GLIS3: variants seen among roughly 807,000 people sequenced by gnomAD.
GLIS3 encodes the protein GLIS family zinc finger 3.
In GLIS3, 53 loss-of-function variants were observed where a neutral mutation model predicts 78.6. The observed-to-expected ratio is 0.67, with a 90% CI of 0.54 to 0.85. GLIS3 has a LOEUF of 0.85. Among genes scored for constraint, GLIS3 ranks in the 40% least tolerant of loss-of-function variants. The probability of loss-of-function intolerance (pLI) is 0.00; values close to 1 mark genes in which losing one functional copy is unlikely to be tolerated. For synonymous variants in GLIS3, 684 were observed against 509.9 expected, an observed-to-expected ratio of 1.34 and a Z score of -4.60; for missense variants, 1,703 against 1,231.1, an observed-to-expected ratio of 1.38 and a Z score of -5.74.
chr9:4,298,127 G>T (rs374635247), intron 1 of GLIS3, among the ~76,000 whole-genome samples: 15 of 152,126 alleles, frequency 9.9e-5, no homozygotes, highest in African/African-American at 3.6e-4. Context: ...AGTGAGTCGG[G>T]GGCCGAAAGG....
At chr9:3,896,024 C>T (rs1196944058) in intron 7 of GLIS3, among the ~76,000 whole-genome samples, 1 of 152,190 alleles carries the variant, frequency 6.6e-6, no homozygotes, top group Non-Finnish European at 1.5e-5. Flanking sequence ...ACTCCAAGTA[C>T]TTTTGCTATT....
intron 4 of GLIS3, among the ~76,000 whole-genome samples, chr9:4,103,200 C>T (rs10814843): frequency 0.77 from 116,922 of 152,090 alleles, 47,200 homozygotes; most frequent in East Asian, 0.96. Context: ...GCTGTTTCTA[C>T]AGTAAGAAGA....
intron 2 of GLIS3, among the ~76,000 whole-genome samples, chr9:4,323,277 T>G (rs536345573): frequency 3.9e-5 from 6 of 152,340 alleles, no homozygotes; most frequent in Admixed American, 1.3e-4. Context: ...TCAGGTGATT[T>G]GCCTGCCTTG....
intron 4 of GLIS3, among the ~76,000 whole-genome samples, chr9:4,028,526 G>C (rs1823539301): frequency 1.3e-5 from 2 of 152,060 alleles, no homozygotes; most frequent in Admixed American, 1.3e-4. Flanking sequence ...ATATAGAAAA[G>C]AGTATAAATC....
At chr9:4,056,637 G>A (rs547273622) in intron 4 of GLIS3, among the ~76,000 whole-genome samples, 3 of 152,118 alleles carry the variant, frequency 2.0e-5, no homozygotes, top group South Asian at 4.2e-4. Context: ...GGTGAGAGAC[G>A]GGATATGAAA....
intron 9 of GLIS3, among the ~76,000 whole-genome samples, chr9:3,848,974 C>A (rs1042218876): frequency 2.6e-5 from 4 of 152,214 alleles, no homozygotes; most frequent in African/African-American, 9.6e-5. Context: ...ACCACAGGAG[C>A]CGTGAACAAC....
At chr9:3,926,500 G>C (rs1435452342) in intron 6 of GLIS3, among the ~76,000 whole-genome samples, 1 of 152,100 alleles carries the variant, frequency 6.6e-6, no homozygotes, top group Non-Finnish European at 1.5e-5. Flanking sequence ...AAAGTGCTGG[G>C]ATTACAGGCG....
chr9:4,216,880 C>T (rs1204017035), intron 2 of GLIS3, among the ~76,000 whole-genome samples: 1 of 152,140 alleles, frequency 6.6e-6, no homozygotes, highest in African/African-American at 2.4e-5. Flanking sequence ...AAATCAAAAC[C>T]CCTCCTCTCT....
At chr9:3,841,487 C>A (rs1203013943) in intron 9 of GLIS3, among the ~76,000 whole-genome samples, 1 of 152,156 alleles carries the variant, frequency 6.6e-6, no homozygotes, top group Non-Finnish European at 1.5e-5. Context: ...GCATCAGAAT[C>A]CTCAACGTGG....
At chr9:4,440,177 AG>A in the GLIS3 span, among the ~76,000 whole-genome samples, 1 of 152,134 alleles carries the variant, frequency 6.6e-6, no homozygotes, top group Admixed American at 6.6e-5. Flanking sequence ...TTTGCTGTGC[AG>A]AAGTTTTTTA....
intron 4 of GLIS3, among the ~76,000 whole-genome samples, chr9:4,030,798 C>T (rs1823772093): frequency 6.6e-6 from 1 of 152,106 alleles, no homozygotes; most frequent in Non-Finnish European, 1.5e-5. Context: ...AGGATGAAGC[C>T]AGAAATGCTG....
chr9:3,948,637 T>C (rs1816461349), intron 4 of GLIS3, among the ~76,000 whole-genome samples: 1 of 152,178 alleles, frequency 6.6e-6, no homozygotes, highest in Non-Finnish European at 1.5e-5. Context: ...TGCCTAAAAG[T>C]ATAAAGTCTA....
At chr9:4,097,097 G>A (rs375805623) in intron 4 of GLIS3, among the ~76,000 whole-genome samples, 1 of 152,092 alleles carries the variant, frequency 6.6e-6, no homozygotes, top group East Asian at 1.9e-4. Flanking sequence ...TACTCCATGG[G>A]GAGGGCTTCT....
the GLIS3 span, among the ~76,000 whole-genome samples, chr9:4,464,298 A>C: frequency 6.6e-6 from 1 of 151,796 alleles, no homozygotes; most frequent in Non-Finnish European, 1.5e-5. Context: ...CACTGTTTTA[A>C]TTTTTACCAT....
the GLIS3 span, among the ~76,000 whole-genome samples, chr9:4,408,581 G>T: frequency 6.6e-6 from 1 of 150,684 alleles, no homozygotes; most frequent in South Asian, 2.1e-4. Flanking sequence ...AGAAAAATTA[G>T]CCGGGCGCGG....
intron 4 of GLIS3, among the ~76,000 whole-genome samples, chr9:4,060,855 A>G (rs1187580372): frequency 5.9e-5 from 9 of 152,218 alleles, no homozygotes; most frequent in African/African-American, 2.2e-4. Flanking sequence ...TAGTTCATCC[A>G]GCCTCTGCCC....
At chr9:4,151,685 G>A (rs1488783275) in intron 2 of GLIS3, among the ~76,000 whole-genome samples, 1 of 152,118 alleles carries the variant, frequency 6.6e-6, no homozygotes, top group Non-Finnish European at 1.5e-5. Context: ...TTTGTTCTAA[G>A]GAAAAAATCT....
intron 2 of GLIS3, among the ~76,000 whole-genome samples, chr9:4,240,408 G>T (rs916402841): frequency 6.6e-6 from 1 of 152,084 alleles, no homozygotes; most frequent in African/African-American, 2.4e-5. Context: ...TCCTGCTGTG[G>T]GACCCAGTTC....
At chr9:3,839,966 C>T (rs1167820408) in intron 9 of GLIS3, among the ~76,000 whole-genome samples, 5 of 152,098 alleles carry the variant, frequency 3.3e-5, no homozygotes, top group Non-Finnish European at 7.4e-5. Context: ...TGATTTAGCC[C>T]CTCTTTTATT....
Sources: allele counts gnomAD v4.1 joint callset (sites outside exome capture counted in the v4.1 genomes callset), GRCh38; gene constraint gnomAD v4.1.1; transcripts MANE v1.5; gene names NCBI Gene and HGNC (gene_info 2026-07-23, HGNC 2026-07-21).